The following CD82 variants were observed in gnomAD, a reference collection of about 807,000 sequenced individuals.
The protein encoded by CD82 is CD82 molecule.
In CD82, 36 loss-of-function variants were observed where a neutral mutation model predicts 37.4. The observed-to-expected ratio is 0.96, with a 90% CI of 0.74 to 1.27. The LOEUF (loss-of-function observed/expected upper bound fraction) is 1.27. CD82 is among the 50% of genes most tolerant of loss of function. The pLI, the probability that CD82 is intolerant of heterozygous loss-of-function variation, is 0.00. For missense variants in CD82, 340 were observed against 347.0 expected (o/e 0.98, Z 0.16); for synonymous variants, 158 against 137.4 (o/e 1.15, Z -1.05).
At chr11:44,584,285 C>CTGTTTT (rs1284286298) in intron 1 of CD82, among the ~76,000 whole-genome samples, 3 of 152,114 alleles carry the variant, frequency 2.0e-5, no homozygotes, top group Non-Finnish European at 1.5e-5. Flanking sequence ...GCCTAGGATT[C>CTGTTTT]TGTTTTTGTT....
intron 2 of CD82, among the ~76,000 whole-genome samples, chr11:44,588,731 G>A (rs1853097482): frequency 6.6e-6 from 1 of 152,286 alleles, no homozygotes; most frequent in Admixed American, 6.5e-5. Flanking sequence ...ACCAACATGT[G>A]TCTTGGGGGT....
chr11:44,585,671 C>A (rs1371543852), intron 1 of CD82, among the ~76,000 whole-genome samples: 1 of 152,206 alleles, frequency 6.6e-6, no homozygotes, highest in Non-Finnish European at 1.5e-5. Context: ...GAGCCAAGGG[C>A]CGGCTCTGTG....
chr11:44,611,769 T>G (rs895731014), intron 6 of CD82, among the ~76,000 whole-genome samples: 1 of 152,222 alleles, frequency 6.6e-6, no homozygotes, highest in Non-Finnish European at 1.5e-5. Flanking sequence ...AACCAGCCCC[T>G]GTGGCCATGG....
intron 7 of CD82, among the ~76,000 whole-genome samples, chr11:44,616,005 A>G (rs771263843): frequency 6.6e-5 from 10 of 152,106 alleles, no homozygotes; most frequent in Non-Finnish European, 1.3e-4. Flanking sequence ...TAGTGATCCA[A>G]TGACCACCTG....
rs139446702 is a variant in CD82 at position 44,595,362 on chromosome 11, C to T, written c.63+637C>T. Among the ~76,000 whole-genome samples, 167 of 152,200 alleles carry T rather than the reference C, an allele frequency of 1.1e-3. 1 individual carries two copies. Among genetic ancestry groups the T allele is most frequent in the African/African-American group, 3.8e-3 (157 of 41,488 alleles). On this transcript the variant is annotated intron_variant, in intron 3 of 9. Transcript: ENST00000227155. Reference sequence around the variant, plus strand: ...TGGCCTGGCATGGACTGCCTCTTGCCTTGGAGTTGCTGGGATGGTGGGGTG... The same window carrying T: ...TGGCCTGGCATGGACTGCCTCTTGCTTTGGAGTTGCTGGGATGGTGGGGTG...
intron 2 of CD82, among the ~76,000 whole-genome samples, chr11:44,589,413 C>T (rs2134645916): frequency 6.6e-6 from 1 of 152,362 alleles, no homozygotes; most frequent in East Asian, 1.9e-4. Context: ...TGGGCAGACT[C>T]TCCAATGTTT....
Position 44,619,377 on chromosome 11 carries a change from A to T in CD82, c.*251A>T. On this transcript the variant is annotated 3_prime_UTR_variant, in exon 10 of 10. Transcript: ENST00000227155. ...GGTTCTCTTAGCAACTCAGAGAAAA[A>T]TGCTCCCCACAGCGTCCCTGGCGCA... 1 of 507,436 alleles carries T rather than the reference A, an allele frequency of 2.0e-6. No individual in the cohort carries two copies. Among genetic ancestry groups the T allele is most frequent in the Non-Finnish European group, 3.5e-6 (1 of 282,490 alleles). The allele number at this position is 507,436 out of a possible 1,614,324, so 31.4% of individuals were successfully genotyped here. A position where few individuals can be genotyped will look rare whatever the true frequency, so the allele number is the denominator to read the frequency against.
rs762027127 is a variant in CD82, at chr11:44,618,684, C to A, written c.687C>A (p.Gly229=). 6.8e-6 allele frequency: 11 copies of A among 1,613,484 alleles called. No individual in the cohort carries two copies. Among genetic ancestry groups the A allele is most frequent in the Non-Finnish European group, 9.3e-6 (11 of 1,179,940 alleles). ...AGGCGTGGCTGCAGGAGAACCTGGG[C>A]ATCATCCTCGGCGTGGGCGTGGGTG... ...KVQAWLQENL[G]IILGVGVGVA... is the part of the protein sequence containing the mutation. The change falls in exon 9 of 10, where the codon GGC becomes GGA. Residue 229 remains glycine (G), a synonymous_variant. Transcript: ENST00000227155.
rs557175057 is a variant in CD82, at chr11:44,612,809, A to AT, written c.337-2454dup. 4.7e-4 allele frequency among the ~76,000 whole-genome samples: 70 copies of AT among 148,258 alleles called. 1 individual carries two copies. In the South Asian group the frequency reaches 6.4e-3, roughly 14 times the overall value. On this transcript the variant is annotated intron_variant, in intron 6 of 9. Coordinates refer to ENST00000227155, the MANE Select transcript of CD82 (RefSeq NM_002231.4). ...CATTCACACCCAGCTAATTTTTGGT[A>AT]TTTTTTTTTAGTAGAGATGGAGTTT...
chr11:44,618,774 T>C (rs1207537063), intron 9 of CD82, 51 bp downstream of exon 9: 2 of 1,491,540 alleles, frequency 1.3e-6, no homozygotes, highest in Non-Finnish European at 1.9e-6. Flanking sequence ...TCCTGGGTTG[T>C]CTCTGTTCTG....
intron 1 of CD82, among the ~76,000 whole-genome samples, chr11:44,578,479 C>G (rs1852932453): frequency 6.6e-6 from 1 of 152,180 alleles, no homozygotes; most frequent in Non-Finnish European, 1.5e-5. Flanking sequence ...ATACACCCCC[C>G]TTCCAGCTCC....
chr11:44,589,794 A>G (rs1853112726), intron 2 of CD82, among the ~76,000 whole-genome samples: 1 of 152,046 alleles, frequency 6.6e-6, no homozygotes, highest in African/African-American at 2.4e-5. Context: ...TTCTTTCTCC[A>G]AAGTTCCCGT....
chr11:44,601,126 C>T (rs1289242450), intron 4 of CD82, among the ~76,000 whole-genome samples: 2 of 152,260 alleles, frequency 1.3e-5, no homozygotes, highest in African/African-American at 2.4e-5. Context: ...GCGGAAGCCC[C>T]CAGGGGACAG....
chr11:44,608,018 C>T lies in CD82; in HGVS notation c.336+2589C>T, dbSNP rs978281073. The T allele has an allele frequency of 3.9e-5, 6 of 152,360 alleles. No homozygotes were observed. The South Asian group carries it at 1.2e-3, about 32-fold the overall frequency. 9.4% of individuals were successfully genotyped at this position (152,360 alleles called of 1,614,324 possible). On this transcript the variant is annotated intron_variant, in intron 6 of 9. Coordinates refer to ENST00000227155, the MANE Select transcript of CD82 (RefSeq NM_002231.4). The stretch of plus-strand genomic sequence containing the variant: ...CAGCCTGCCTCACCTTAGTCCACCA[C>T]CATCTTTTCTGGAAGGCAGGGGGAA...
intron 4 of CD82, among the ~76,000 whole-genome samples, chr11:44,603,334 G>A (rs1165882385): frequency 3.3e-5 from 5 of 152,102 alleles, no homozygotes; most frequent in South Asian, 4.1e-4. Context: ...ACTCCCTCCC[G>A]TCCTCCAGTT....
At chr11:44,591,022 T>C (rs1266237459) in intron 2 of CD82, among the ~76,000 whole-genome samples, 2 of 152,270 alleles carry the variant, frequency 1.3e-5, no homozygotes, top group African/African-American at 2.4e-5. Context: ...GCATCTGCAC[T>C]TGCAGGGCAG....
chr11:44,593,621 T>C (rs1326953949), intron 2 of CD82, among the ~76,000 whole-genome samples: 1 of 152,040 alleles, frequency 6.6e-6, no homozygotes, highest in Non-Finnish European at 1.5e-5. Flanking sequence ...GCACAACTTG[T>C]GTCATCGGGG....
rs1853456453 is a variant in CD82, at chr11:44,609,906, C to T, written c.336+4477C>T. Among the ~76,000 whole-genome samples, 4 of 152,300 alleles carry T rather than the reference C, an allele frequency of 2.6e-5. No homozygotes were observed. The South Asian group carries it at 8.3e-4, about 32-fold the overall frequency. On this transcript the variant is annotated intron_variant, in intron 6 of 9. Coordinates refer to ENST00000227155, the MANE Select transcript of CD82 (RefSeq NM_002231.4). Reference sequence around the variant, plus strand: ...AAGCACACGCTGGTCACTGGCTCTGCATTCTGGGGTAGCTAATTACGTGGA... The same window carrying T: ...AAGCACACGCTGGTCACTGGCTCTGTATTCTGGGGTAGCTAATTACGTGGA...
chr11:44,568,847 C>T (rs1256326786), intron 1 of CD82, among the ~76,000 whole-genome samples: 1 of 152,234 alleles, frequency 6.6e-6, no homozygotes, highest in Non-Finnish European at 1.5e-5. Flanking sequence ...CAACCCATGG[C>T]TGAGCAGCCC....
Sources: gnomAD v4.1 joint callset for allele counts (sites outside exome capture counted in the v4.1 genomes callset) on GRCh38, gnomAD v4.1.1 for gene constraint, MANE v1.5 for transcripts, NCBI Gene and HGNC (gene_info 2026-07-23, HGNC 2026-07-21) for gene names.